VPS16: variants seen among roughly 807,000 people sequenced by gnomAD.
VPS16 encodes the protein VPS16 core subunit of CORVET and HOPS complexes, also known as vacuolar protein sorting-associated protein 16 homolog.
In VPS16, 82 loss-of-function variants were observed where a neutral mutation model predicts 116.0. The observed-to-expected ratio is 0.71, with a 90% CI of 0.59 to 0.85. The LOEUF (loss-of-function observed/expected upper bound fraction) is 0.85, where lower values mean the gene tolerates loss of function less well. VPS16 is among the 40% of genes least tolerant of loss of function. The probability of loss-of-function intolerance (pLI) is 0.00; values close to 1 mark genes in which losing one functional copy is unlikely to be tolerated. For synonymous variants in VPS16, 406 were observed against 420.7 expected (o/e 0.96, Z 0.43); for missense variants, 928 against 1,090.6 (o/e 0.85, Z 2.10).
chr20:2,857,071 A>G (rs2089179060), intron 1 of VPS16, among the ~76,000 whole-genome samples: 1 of 150,440 alleles, frequency 6.6e-6, no homozygotes, highest in South Asian at 2.1e-4. Flanking sequence ...CCTGCCTCCC[A>G]GGTTCAAGCA....
At chr20:2,855,741 T>C (rs2089166372) in intron 1 of VPS16, among the ~76,000 whole-genome samples, 1 of 152,236 alleles carries the variant, frequency 6.6e-6, no homozygotes, top group South Asian at 2.1e-4. Flanking sequence ...GATGGCTTTT[T>C]CCCTTAAACC....
In VPS16 at chr20:2,858,555, G is replaced by A. The variant is rs537126424; in HGVS notation, c.54-1164G>A. On this transcript the variant is annotated intron_variant, in intron 1 of 23. Transcript: ENST00000380445. Reference sequence around the variant, plus strand: ...GATGTCAAATAGTAGGTAATGATGGGCATATTCCTGATCATTAATGAGAAG... The same window carrying A: ...GATGTCAAATAGTAGGTAATGATGGACATATTCCTGATCATTAATGAGAAG... Among the ~76,000 whole-genome samples the A allele has an allele frequency of 2.0e-5, 3 of 152,124 alleles. No individual in the cohort carries two copies. In the South Asian group the frequency reaches 6.3e-4, roughly 32 times the overall value.
intron 1 of VPS16, among the ~76,000 whole-genome samples, chr20:2,859,240 G>A (rs965814864): frequency 6.6e-6 from 1 of 152,098 alleles, no homozygotes; most frequent in African/African-American, 2.4e-5. Context: ...AAAGAGCCAT[G>A]ACTGTGACAC....
At chr20:2,843,062 A>C (rs1055297144) in intron 1 of VPS16, among the ~76,000 whole-genome samples, 29 of 152,186 alleles carry the variant, frequency 1.9e-4, no homozygotes. Context: ...TATACTTCCT[A>C]GATGGACAAG....
At chr20:2,844,191 T>C (rs1231408391) in intron 1 of VPS16, among the ~76,000 whole-genome samples, 1 of 152,208 alleles carries the variant, frequency 6.6e-6, no homozygotes, top group Non-Finnish European at 1.5e-5. Context: ...TCCACCAGAA[T>C]GGAAATGCTT....
chr20:2,862,183 G>T, intron 11 of VPS16, 53 bp downstream of exon 11: 1 of 1,562,772 alleles, frequency 6.4e-7, no homozygotes, highest in Non-Finnish European at 8.7e-7. Context: ...CTGCCCCTGC[G>T]TGGGCATGTG....
intron 1 of VPS16, 99 bp from the exon 2 acceptor site, chr20:2,859,620 T>C: frequency 7.3e-7 from 1 of 1,369,320 alleles, no homozygotes; most frequent in East Asian, 2.3e-5. Context: ...CTCTACAGCC[T>C]TGTGGAAGAC....
intron 1 of VPS16, among the ~76,000 whole-genome samples, chr20:2,846,700 G>A (rs2089063484): frequency 6.6e-6 from 1 of 152,046 alleles, no homozygotes; most frequent in Non-Finnish European, 1.5e-5. Flanking sequence ...CCTCCCTAGT[G>A]GTCTGATATC....
At chr20:2,856,104 G>A (rs2146658616) in intron 1 of VPS16, among the ~76,000 whole-genome samples, 1 of 152,330 alleles carries the variant, frequency 6.6e-6, no homozygotes, top group East Asian at 1.9e-4. Flanking sequence ...TAAAGTGAGA[G>A]ATTTGCCACT....
intron 1 of VPS16, among the ~76,000 whole-genome samples, chr20:2,844,345 T>A (rs986208902): frequency 9.8e-5 from 15 of 152,322 alleles, no homozygotes; most frequent in Admixed American, 3.3e-4. Flanking sequence ...CAGGATTCTT[T>A]TGTATTGGGA....
Position 2,859,734 on chromosome 20 carries a change from C to T in VPS16, c.69C>T (p.Tyr23=). 1 of 1,613,642 alleles carries T rather than the reference C, an allele frequency of 6.2e-7. No individual in the cohort carries two copies. Among genetic ancestry groups the T allele is most frequent in the South Asian group, 1.1e-5 (1 of 91,010 alleles). Residue 23 remains tyrosine (Y), a synonymous_variant, in exon 2 of 24, where the codon TAC becomes TAT. Coordinates refer to ENST00000380445, the MANE Select transcript of VPS16 (RefSeq NM_022575.4). ...DSAFYRKYEL[Y]SMDWDLKEEL... ...GTGTGGGCAGGAAATATGAGCTGTA[C>T]AGCATGGACTGGGACCTGAAGGAGG...
rs1478429544 is a variant in VPS16 at position 2,865,321 on chromosome 20, G to A, written c.2174+4G>A. 6.2e-7 allele frequency: 1 copy of A among 1,614,176 alleles called. No individual in the cohort carries two copies. The highest frequency in any genetic ancestry group is 1.1e-5 in the South Asian group (1 of 91,090). ...ACTTCCGCATCCCTGACAAGAGGTA[G>A]GTGAGGGCCCAGGCTGCATGTGGGT... is the stretch of plus-strand genomic sequence containing the variant. On this transcript the variant is annotated splice_donor_region_variant and intron_variant, in intron 21 of 23. Transcript: ENST00000380445. The surrounding 1 kb of genome is among the most constrained non-coding windows in gnomAD (Gnocchi z 5.2).
chr20:2,866,315 G>C lies in VPS16; in HGVS notation c.2375G>C (p.Gly792Ala), dbSNP rs773704761. ...AAGGTCAAGGCTTTGCTTCTTGTTG[G>C]GTGCGTCAACTGAGGGCCTGTGGGT... ...EQKVKALLLV[G>A]DVAQAADVAI... The change falls in exon 23 of 24, where the codon GGC becomes GCC. Residue 792 changes from glycine (G) to alanine (A), a missense_variant and splice_region_variant. Gly to Ala is a moderately conservative substitution (Grantham distance 60). Transcript: ENST00000380445. 1 of 1,614,118 alleles carries C rather than the reference G, an allele frequency of 6.2e-7. No homozygotes were observed. Among genetic ancestry groups the C allele is most frequent in the South Asian group, 1.1e-5 (1 of 91,078 alleles).
chr20:2,840,844 T>TCCCG lies in VPS16; in HGVS notation c.53+21_53+24dup. ...CTTTTACCGGTGAGCTGCCCCGCCCTCCCGCCCACGGCCTGGCTTACCCTG... is the reference window on the plus strand; with the variant it reads ...CTTTTACCGGTGAGCTGCCCCGCCCTCCCGCCCGCCCACGGCCTGGCTTACCCTG... On this transcript the variant is annotated intron_variant, in intron 1 of 23. Transcript: ENST00000380445. The TCCCG allele has an allele frequency of 1.2e-6, 1 of 864,536 alleles. No homozygotes were observed. Among genetic ancestry groups the TCCCG allele is most frequent in the Non-Finnish European group, 1.7e-6 (1 of 600,570 alleles). 53.6% of individuals were successfully genotyped at this position (864,536 alleles called of 1,614,324 possible).
rs1298067999 is a variant in VPS16, at chr20:2,846,116, T to C, written c.53+5289T>C. Among the ~76,000 whole-genome samples, 6 of 143,184 alleles carry C rather than the reference T, an allele frequency of 4.2e-5. 1 individual carries two copies. The highest frequency in any genetic ancestry group is 1.3e-4 in the African/African-American group (5 of 38,500). 93.9% of individuals were successfully genotyped at this position (143,184 alleles called of 152,430 possible). A position where few individuals can be genotyped will look rare whatever the true frequency, so the allele number is the denominator to read the frequency against. On this transcript the variant is annotated intron_variant, in intron 1 of 23. Transcript: ENST00000380445. ...TTCAATATTTTCTGTACTCCGCTTT[T>C]TTTTTTTTTTTTTTTTTTGAGATGG...
At chr20:2,857,607 T>G (rs2089185701) in intron 1 of VPS16, among the ~76,000 whole-genome samples, 1 of 152,152 alleles carries the variant, frequency 6.6e-6, no homozygotes, top group South Asian at 2.1e-4. Context: ...CCTCCTGGGT[T>G]CAAGTGATTC....
chr20:2,855,288 G>GT (rs35678700), intron 1 of VPS16, among the ~76,000 whole-genome samples: 1,899 of 146,006 alleles, frequency 0.013, 29 homozygotes, highest in Middle Eastern at 0.039. Context: ...AAGGAATCTT[G>GT]TTTTTTTTTT....
chr20:2,852,204 G>T (rs979465884), intron 1 of VPS16, among the ~76,000 whole-genome samples: 1 of 152,128 alleles, frequency 6.6e-6, no homozygotes, highest in South Asian at 2.1e-4. Context: ...GGGCGGAGCA[G>T]TACTAGATAT....
At chr20:2,844,305 G>C (rs2089037718) in intron 1 of VPS16, among the ~76,000 whole-genome samples, 1 of 152,216 alleles carries the variant, frequency 6.6e-6, no homozygotes. Flanking sequence ...ACAGGTGGCA[G>C]ACATTACATT....
Sources: allele counts gnomAD v4.1 joint callset (sites outside exome capture counted in the v4.1 genomes callset), GRCh38; gene constraint gnomAD v4.1.1; non-coding constraint Gnocchi (gnomAD v3.1); transcripts MANE v1.5; gene names NCBI Gene and HGNC (gene_info 2026-07-23, HGNC 2026-07-21).